Variants in ZNF48 observed in about 807,000 individuals in gnomAD.
ZNF48 encodes zinc finger protein 48.
A neutral mutation model predicts 40.0 loss-of-function variants in ZNF48; 20 were observed. The observed-to-expected ratio is 0.50, with a 90% CI of 0.35 to 0.73. ZNF48 has a LOEUF of 0.73. Ranked by LOEUF, ZNF48 falls within the 30% of genes least tolerant of loss-of-function variation. The probability of loss-of-function intolerance (pLI) is 0.01; values close to 1 mark genes in which losing one functional copy is unlikely to be tolerated. For missense variants in ZNF48, 726 were observed against 851.9 expected, an observed-to-expected ratio of 0.85 and a Z score of 1.84; for synonymous variants, 298 against 329.7, an observed-to-expected ratio of 0.90 and a Z score of 1.04.
chr16:30,393,360 G>A (rs973371612), upstream of ZNF48, among the ~76,000 whole-genome samples: 1 of 151,776 alleles, frequency 6.6e-6, no homozygotes, highest in African/African-American at 2.4e-5. Flanking sequence ...ACAGGTGTGA[G>A]GCACCACACC....
chr16:30,398,884 G>A lies in ZNF48; in HGVS notation c.1634G>A (p.Cys545Tyr). 1 of 1,613,978 alleles carries A rather than the reference G, an allele frequency of 6.2e-7. No individual in the cohort carries two copies. The highest frequency in any genetic ancestry group is 8.5e-7 in the Non-Finnish European group (1 of 1,179,972). The change falls in exon 3 of 3, where the codon TGT becomes TAT. Residue 545 changes from cysteine to tyrosine, a missense_variant. This residue lies in a region of ZNF48 where 166 missense variants were observed against 163.6 expected (regional missense o/e 1.01). Coordinates refer to ENST00000613509, the MANE Select transcript of ZNF48 (RefSeq NM_001214909.2). This position sits in a 1 kb window ranked among gnomAD's most constrained non-coding sequence, Gnocchi z 6.6. ...TCTGGACCCAGCCAGCCCCACGTGT[G>A]TGGCTTCTGTGGGAAGGAGTTCCCC... ...QPSGPSQPHVCGFCGKEFPRS... is the reference protein window; with the variant it reads ...QPSGPSQPHVYGFCGKEFPRS...
intron 1 of ZNF48, among the ~76,000 whole-genome samples, chr16:30,385,422 C>T (rs183824845): frequency 6.6e-6 from 1 of 151,102 alleles, no homozygotes; most frequent in African/African-American, 2.4e-5. Flanking sequence ...GTCAGGAGAT[C>T]GAGACCATCC....
intron 1 of ZNF48, among the ~76,000 whole-genome samples, chr16:30,385,417 G>C (rs1410065997): frequency 1.3e-5 from 2 of 151,088 alleles, no homozygotes; most frequent in Non-Finnish European, 3.0e-5. Context: ...AGAAGGTCAG[G>C]AGATCGAGAC....
Position 30,397,610 on chromosome 16 carries a change from C to T in ZNF48, c.360C>T (p.Ser120=). The T allele has an allele frequency of 6.2e-7, 1 of 1,614,142 alleles. No individual in the cohort carries two copies. The highest frequency in any genetic ancestry group is 8.5e-7 in the Non-Finnish European group (1 of 1,180,020). The change falls in exon 3 of 3, where the codon AGC becomes AGT. Residue 120 remains serine (S), a synonymous_variant. Transcript: ENST00000613509. The surrounding 1 kb of genome is among the most constrained non-coding windows in gnomAD (Gnocchi z 4.1). ...RAAVCGECGK[S]FRQMSDLVKH... is the part of the protein sequence containing the mutation. Reference sequence around the variant, plus strand: ...CTGTGTGTGGTGAGTGTGGCAAAAGCTTCAGGCAGATGTCAGATCTGGTGA... The same window carrying T: ...CTGTGTGTGGTGAGTGTGGCAAAAGTTTCAGGCAGATGTCAGATCTGGTGA...
At chr16:30,385,176 A>T (rs2049890930) in intron 1 of ZNF48, among the ~76,000 whole-genome samples, 1 of 140,908 alleles carries the variant, frequency 7.1e-6, no homozygotes, top group Admixed American at 7.2e-5. Flanking sequence ...ACTCTTTCTC[A>T]AATAATAATA....
In ZNF48 at chr16:30,395,600, TG is replaced by T; in HGVS notation, c.-16+25del. On this transcript the variant is annotated intron_variant, in intron 1 of 2. Transcript: ENST00000613509. The surrounding 1 kb of genome is among the most constrained non-coding windows in gnomAD (Gnocchi z 5.9). The stretch of plus-strand genomic sequence containing the variant: ...CAAGGTGAGAGCGGCGGCTGCGCGC[TG>T]GGAGGAGCAGCAGGTGCAGGGGCGG... The T allele has an allele frequency of 3.8e-6, 1 of 259,824 alleles. No individual in the cohort carries two copies. The highest frequency in any genetic ancestry group is 6.7e-6 in the Non-Finnish European group (1 of 150,174). The allele number at this position is 259,824 out of a possible 1,614,324, so 16.1% of individuals were successfully genotyped here.
Position 30,398,466 on chromosome 16 carries a change from CTG to C in ZNF48, c.1217_1218del (p.Leu406ArgfsTer16). The C allele has an allele frequency of 6.3e-7, 1 of 1,588,284 alleles. No homozygotes were observed. Among genetic ancestry groups the C allele is most frequent in the Non-Finnish European group, 8.6e-7 (1 of 1,165,214 alleles). On this transcript the variant is annotated frameshift_variant, in exon 3 of 3. Transcript: ENST00000613509. LOFTEE classifies it high-confidence loss of function. The surrounding 1 kb of genome is among the most constrained non-coding windows in gnomAD (Gnocchi z 6.6). ...ALIPSPPPPPLGTSPPLTPRS... is the reference protein window; with the variant it reads ...ALIPSPPPPPXGTSPPLTPRS... ...GATCCCCAGCCCACCCCCACCTCCTCTGGGCACCAGCCCCCCGCTGACACCTC... is the reference window on the plus strand; with the variant it reads ...GATCCCCAGCCCACCCCCACCTCCTCGGCACCAGCCCCCCGCTGACACCTC...
chr16:30,381,687 A>G lies in ZNF48; in HGVS notation c.-16+3277A>G, dbSNP rs1340712597. On this transcript the variant is annotated intron_variant, in intron 1 of 2. Transcript: ENST00000528032. The surrounding 1 kb of genome is among the most constrained non-coding windows in gnomAD (Gnocchi z 4.3). ...CCTTTTGAGATAGGGAGCCAGCACA[A>G]ACCAGTCCTGTAACTCTCCAGGGAG... The G allele has an allele frequency of 5.0e-6, 8 of 1,589,196 alleles. No individual in the cohort carries two copies. The highest frequency in any genetic ancestry group is 6.9e-6 in the Non-Finnish European group (8 of 1,167,796).
Position 30,382,885 on chromosome 16 carries a change from G to A in ZNF48, c.-16+4475G>A. 1 of 1,159,540 alleles carries A rather than the reference G, an allele frequency of 8.6e-7. No individual in the cohort carries two copies. Among genetic ancestry groups the A allele is most frequent in the East Asian group, 2.6e-5 (1 of 39,126 alleles). 71.8% of individuals were successfully genotyped at this position (1,159,540 alleles called of 1,614,324 possible). ...GTTTTGATGAGCTGATTAGAAAACA[G>A]TTCCCAGGACGGGCAAGGTGGCTCT... is the stretch of plus-strand genomic sequence containing the variant. On this transcript the variant is annotated intron_variant, in intron 1 of 2. Transcript: ENST00000528032. The surrounding 1 kb of genome is among the most constrained non-coding windows in gnomAD (Gnocchi z 4.8).
Position 30,398,381 on chromosome 16 carries a change from C to T in ZNF48, c.1131C>T (p.His377=), listed in dbSNP as rs759805879. The T allele has an allele frequency of 2.5e-6, 4 of 1,612,836 alleles. No homozygotes were observed. In the South Asian group the frequency reaches 4.4e-5, roughly 18 times the overall value. Residue 377 remains histidine (H), a synonymous_variant, in exon 3 of 3, where the codon CAC becomes CAT. Coordinates refer to ENST00000613509, the MANE Select transcript of ZNF48 (RefSeq NM_001214909.2). This position sits in a 1 kb window ranked among gnomAD's most constrained non-coding sequence, Gnocchi z 6.6. Reference sequence around the variant, plus strand: ...GCCTCAGCTCCACCCTTCTTCGCCACCGCCTCACTCACATGGAGCCCCAGG... The same window carrying T: ...GCCTCAGCTCCACCCTTCTTCGCCATCGCCTCACTCACATGGAGCCCCAGG... ...TFSLSSTLLR[H]RLTHMEPQDF...
At chr16:30,380,027 C>T in intron 1 of ZNF48, 1 of 1,610,424 alleles carries the variant, frequency 6.2e-7, no homozygotes, top group Non-Finnish European at 8.5e-7. Context: ...TTCAACTGAT[C>T]CCGGATCTCA....
At chr16:30,387,242 CTTT>C (rs746448381) in intron 1 of ZNF48, among the ~76,000 whole-genome samples, 4 of 132,932 alleles carry the variant, frequency 3.0e-5, no homozygotes, top group African/African-American at 8.1e-5. Context: ...CGCGCCCGGC[CTTT>C]TTTTTTTTTT....
In ZNF48 at chr16:30,382,911, C is replaced by A. The variant is rs926910957; in HGVS notation, c.-16+4501C>A. The A allele has an allele frequency of 2.3e-6, 2 of 868,580 alleles. No homozygotes were observed. Among genetic ancestry groups the A allele is most frequent in the East Asian group, 2.6e-5 (1 of 37,834 alleles). 53.8% of individuals were successfully genotyped at this position (868,580 alleles called of 1,614,324 possible). ...TTCCCAGGACGGGCAAGGTGGCTCT[C>A]GCCTGTAATCTCAGCACTTTGGGAG... is the stretch of plus-strand genomic sequence containing the variant. On this transcript the variant is annotated intron_variant, in intron 1 of 2. Transcript: ENST00000528032. This position sits in a 1 kb window ranked among gnomAD's most constrained non-coding sequence, Gnocchi z 4.8.
intron 1 of ZNF48, chr16:30,378,610 C>T (rs1268333498): frequency 1.2e-6 from 2 of 1,611,570 alleles, no homozygotes; most frequent in Non-Finnish European, 1.7e-6. Flanking sequence ...GCGTGCTCAC[C>T]TCTTCGTCTT....
intron 1 of ZNF48, among the ~76,000 whole-genome samples, chr16:30,385,850 G>T (rs1390051341): frequency 1.3e-5 from 2 of 152,022 alleles, no homozygotes; most frequent in African/African-American, 4.8e-5. Context: ...AAAATGTTGG[G>T]CGTGGTGGTT....
upstream of ZNF48, among the ~76,000 whole-genome samples, chr16:30,393,208 C>G (rs1294670215): frequency 6.6e-6 from 1 of 151,982 alleles, no homozygotes; most frequent in African/African-American, 2.4e-5. Flanking sequence ...TCCCAAGTAG[C>G]TGGGATTACA....
chr16:30,395,721 G>A lies in ZNF48; in HGVS notation c.-15-59G>A. 4 of 1,283,444 alleles carry A rather than the reference G, an allele frequency of 3.1e-6. No individual in the cohort carries two copies. The highest frequency in any genetic ancestry group is 2.2e-5 in the South Asian group (1 of 45,032). 79.5% of individuals were successfully genotyped at this position (1,283,444 alleles called of 1,614,324 possible). A position where few individuals can be genotyped will look rare whatever the true frequency, so the allele number is the denominator to read the frequency against. ...GCTGGCCGGCAGAGGGCAGCGGCAG[G>A]GCGCCGCGGGCCACACATGGCTGCG... On this transcript the variant is annotated intron_variant, in intron 1 of 2. Transcript: ENST00000613509. This position sits in a 1 kb window ranked among gnomAD's most constrained non-coding sequence, Gnocchi z 5.9.
At chr16:30,379,402 C>G (rs754922578) in intron 1 of ZNF48, 7 of 1,581,618 alleles carry the variant, frequency 4.4e-6, no homozygotes, top group Non-Finnish European at 6.1e-6. Context: ...GGGCTCCCTG[C>G]TGGCCTTAGG....
chr16:30,393,889 G>T (rs932681581), upstream of ZNF48, among the ~76,000 whole-genome samples: 2 of 145,950 alleles, frequency 1.4e-5, no homozygotes, highest in African/African-American at 2.5e-5. Context: ...CTAAATTTTT[G>T]TTTTTTTTTT....
Sources: allele counts gnomAD v4.1 joint callset (sites outside exome capture counted in the v4.1 genomes callset), GRCh38; gene constraint gnomAD v4.1.1; regional missense constraint gnomAD v4.1.1; non-coding constraint Gnocchi (gnomAD v3.1); transcripts MANE v1.5; gene names NCBI Gene and HGNC (gene_info 2026-07-23, HGNC 2026-07-21).